CPAMD8: variants seen among roughly 807,000 people sequenced by gnomAD.
The protein encoded by CPAMD8 is C3 and PZP-like alpha-2-macroglobulin domain-containing protein 8.
Under a neutral mutation model 224.7 loss-of-function variants are expected in CPAMD8, and 146 were observed. The ratio of observed to expected loss-of-function variants is 0.65; its 90% CI spans 0.57 to 0.75. The LOEUF is 0.75. Among genes scored for constraint, CPAMD8 ranks in the 30% least tolerant of loss-of-function variants. The pLI is 0.00. For synonymous variants in CPAMD8, 966 were observed against 1,044.6 expected (o/e 0.92, Z 1.45); for missense variants, 2,301 against 2,537.5 (o/e 0.91, Z 2.00).
At position 16,929,172 on chromosome 19, in the gene CPAMD8, G is replaced by A. The variant is rs201681851; in HGVS notation, c.2914C>T (p.Arg972Cys). Residue 972 changes from arginine (R) to cysteine (C), a missense_variant, in exon 24 of 42, where the codon CGC (arginine) becomes TGC (cysteine). Around this residue, in one of 4 missense-constraint regions of CPAMD8, gnomAD observed 1,709 missense variants for 1,753.2 expected, o/e 0.97. Coordinates refer to ENST00000443236, the MANE Select transcript of CPAMD8 (RefSeq NM_015692.5). ...TGAGCTCGCACAGCCACATCAAAGC[G>A]GGTGAGGCGCAGTGGCCGCTGCACA... ...QYVQRPLRLT[R>C]FDVAVRAHND... 148 of 1,614,048 alleles carry A rather than the reference G, an allele frequency of 9.2e-5. No individual in the cohort carries two copies. The highest frequency in any genetic ancestry group is 8.3e-4 in the African/African-American group (62 of 75,052).
At chr19:16,962,460 A>C (rs1351277144) in intron 18 of CPAMD8, among the ~76,000 whole-genome samples, 1 of 152,232 alleles carries the variant, frequency 6.6e-6, no homozygotes, top group African/African-American at 2.4e-5. Context: ...AGATTAAATT[A>C]ATGAAATAAA....
In CPAMD8 at chr19:16,893,220, A is replaced by T; in HGVS notation, c.5546T>A (p.Val1849Glu). The change falls in exon 42 of 42, where the codon GTG (valine) becomes GAG (glutamate). Residue 1849 changes from valine to glutamate, a missense_variant. By Grantham distance (121) the Val-to-Glu change is moderately radical. Transcript: ENST00000443236. ...TPAPQRHSGR[V>E]VGAHRPGLLS... ...AAGCCCTGGCCTGTGGGCCCCCACC[A>T]CCCGGCCACTATGTCTCTGAGGGGC... 1 of 1,588,188 alleles carries T rather than the reference A, an allele frequency of 6.3e-7. No homozygotes were observed. Among genetic ancestry groups the T allele is most frequent in the Non-Finnish European group, 8.6e-7 (1 of 1,165,764 alleles).
At chr19:16,971,650 G>T (rs28567752) in intron 17 of CPAMD8, among the ~76,000 whole-genome samples, 18,666 of 152,044 alleles carry the variant, frequency 0.12, 3,194 homozygotes, top group African/African-American at 0.39. Context: ...GATGAAAATG[G>T]TCTGGAATTA....
intron 27 of CPAMD8, among the ~76,000 whole-genome samples, chr19:16,921,400 A>G (rs2053168153): frequency 6.6e-6 from 1 of 151,978 alleles, no homozygotes; most frequent in Admixed American, 6.5e-5. Flanking sequence ...GCCTGAGGAT[A>G]TCAGGAAAAC....
intron 19 of CPAMD8, among the ~76,000 whole-genome samples, chr19:16,954,925 G>A (rs1464347067): frequency 6.6e-6 from 1 of 152,210 alleles, no homozygotes; most frequent in African/African-American, 2.4e-5. Context: ...TCAGGAGATC[G>A]ATACCATCCT....
rs542478808 is a variant in CPAMD8, at chr19:17,016,646, G to A, written c.267+3685C>T. On this transcript the variant is annotated intron_variant, in intron 3 of 41. Coordinates refer to ENST00000443236, the MANE Select transcript of CPAMD8 (RefSeq NM_015692.5). Reference sequence around the variant, plus strand: ...CATGGTGGGGGCGTCTGCAGTCCCAGCTACTCAGGAGGCTGAGGCAGGAAA... The same window carrying A: ...CATGGTGGGGGCGTCTGCAGTCCCAACTACTCAGGAGGCTGAGGCAGGAAA... Among the ~76,000 whole-genome samples, 5 of 152,276 alleles carry A rather than the reference G, an allele frequency of 3.3e-5. No homozygotes were observed. In the South Asian group the frequency reaches 1.0e-3, roughly 32 times the overall value.
At chr19:17,006,021 G>A (rs899439300) in intron 7 of CPAMD8, among the ~76,000 whole-genome samples, 1 of 151,892 alleles carries the variant, frequency 6.6e-6, no homozygotes, top group African/African-American at 2.4e-5. Context: ...CTGGAGTGCA[G>A]TGGCATGATC....
At chr19:17,010,576 A>G (rs1387447168) in intron 5 of CPAMD8, among the ~76,000 whole-genome samples, 6 of 152,128 alleles carry the variant, frequency 3.9e-5, no homozygotes. Context: ...CTTGAGTTGT[A>G]TAAGAGAACG....
chr19:17,018,504 C>A (rs2056869000), intron 3 of CPAMD8, among the ~76,000 whole-genome samples: 1 of 152,056 alleles, frequency 6.6e-6, no homozygotes, highest in South Asian at 2.1e-4. Context: ...GGCTGTTTAG[C>A]CTAAAGAAGG....
intron 3 of CPAMD8, among the ~76,000 whole-genome samples, chr19:17,016,377 G>C (rs115981041): frequency 0.012 from 1,902 of 152,238 alleles, 36 homozygotes; most frequent in African/African-American, 0.042. Flanking sequence ...CAGCATCTGT[G>C]CTGTGAAGAG....
chr19:16,896,524 C>A lies in CPAMD8; in HGVS notation c.5207G>T (p.Arg1736Leu). ...CTGGCGGCAGGCGGCCTCCCGCAGG[C>A]GGCAGGCGCTGGCGTAGACCACCCC... ...SDGVVYASAC[R>L]LREAACRQAA... The change falls in exon 40 of 42, where the codon CGC becomes CTC. Residue 1736 changes from arginine to leucine, a missense_variant. Around this residue, in one of 4 missense-constraint regions of CPAMD8, gnomAD observed 1,709 missense variants for 1,753.2 expected, o/e 0.97. Transcript: ENST00000443236. The A allele has an allele frequency of 1.4e-6, 2 of 1,441,350 alleles. No individual in the cohort carries two copies. Among genetic ancestry groups the A allele is most frequent in the Non-Finnish European group, 1.8e-6 (2 of 1,108,040 alleles). 89.3% of individuals were successfully genotyped at this position (1,441,350 alleles called of 1,614,324 possible). A position where few individuals can be genotyped will look rare whatever the true frequency, so the allele number is the denominator to read the frequency against.
chr19:16,928,045 T>C lies in CPAMD8; in HGVS notation c.3334A>G (p.Ile1112Val). Reference sequence around the variant, plus strand: ...GCGGTGGCTCGCTCAGACCCAGGGATGGCGCCGTGTGGGACCCCCAGGGTG... The same window carrying C: ...GCGGTGGCTCGCTCAGACCCAGGGACGGCGCCGTGTGGGACCCCCAGGGTG... ...AFTLGVPHGA[I>V]PGSERATASI... Residue 1112 changes from isoleucine to valine, a missense_variant, in exon 25 of 42, where the codon ATC (isoleucine) becomes GTC (valine). Ile to Val is a conservative substitution (Grantham distance 29). Around this residue, in one of 4 missense-constraint regions of CPAMD8, gnomAD observed 1,709 missense variants for 1,753.2 expected, o/e 0.97. Coordinates refer to ENST00000443236, the MANE Select transcript of CPAMD8 (RefSeq NM_015692.5). 6.2e-7 allele frequency: 1 copy of C among 1,613,718 alleles called. No individual in the cohort carries two copies. The highest frequency in any genetic ancestry group is 8.5e-7 in the Non-Finnish European group (1 of 1,179,790).
At chr19:16,966,869 GA>G (rs2054844718) in intron 18 of CPAMD8, among the ~76,000 whole-genome samples, 1 of 152,158 alleles carries the variant, frequency 6.6e-6, no homozygotes, top group Non-Finnish European at 1.5e-5. Flanking sequence ...GGAGAAATAG[GA>G]ATGCTTTTAC....
At chr19:17,021,184 T>C (rs1471789085) in intron 2 of CPAMD8, among the ~76,000 whole-genome samples, 2 of 152,162 alleles carry the variant, frequency 1.3e-5, no homozygotes, top group African/African-American at 4.8e-5. Flanking sequence ...AGGAGAGACC[T>C]GGTTGCATCA....
At chr19:16,927,567 C>T (rs2053408091) in intron 25 of CPAMD8, among the ~76,000 whole-genome samples, 1 of 152,152 alleles carries the variant, frequency 6.6e-6, no homozygotes, top group African/African-American at 2.4e-5. Context: ...TCAGCAACTG[C>T]TCCGGACGCC....
intron 41 of CPAMD8, chr19:16,895,260 A>G (rs111701028): frequency 6.5e-6 from 1 of 152,698 alleles, no homozygotes; most frequent in Admixed American, 6.5e-5. Flanking sequence ...AAATACAAAA[A>G]AAATTAGCCG....
Position 16,896,672 on chromosome 19 carries a change from G to A in CPAMD8, c.5066-7C>T, listed in dbSNP as rs988495104. On this transcript the variant is annotated splice_polypyrimidine_tract_variant and splice_region_variant and intron_variant, in intron 39 of 41. Transcript: ENST00000443236. ...GACTCGCCGGGGAACCAGCCTGGGG[G>A]ACGAGGCAGGCTCGACAGACCCCCC... The A allele has an allele frequency of 2.1e-6, 3 of 1,445,896 alleles. No individual in the cohort carries two copies. Among genetic ancestry groups the A allele is most frequent in the Admixed American group, 5.0e-5 (2 of 40,176 alleles). The allele number at this position is 1,445,896 out of a possible 1,614,324, so 89.6% of individuals were successfully genotyped here. A position where few individuals can be genotyped will look rare whatever the true frequency, so the allele number is the denominator to read the frequency against.
At chr19:16,897,642 G>A (rs1170246951) in intron 39 of CPAMD8, 49 bp downstream of exon 39, 1 of 1,078,740 alleles carries the variant, frequency 9.3e-7, no homozygotes, top group Admixed American at 2.5e-5. Flanking sequence ...GGTGGGAGTC[G>A]GGGTGTGGCA....
At position 16,938,406 on chromosome 19, in the gene CPAMD8, A is replaced by G; in HGVS notation, c.2834T>C (p.Phe945Ser). The change falls in exon 23 of 42, where the codon TTC becomes TCC. Residue 945 changes from phenylalanine to serine, a missense_variant. This residue lies in a region of CPAMD8 where 1,709 missense variants were observed against 1,753.2 expected (regional missense o/e 0.97). Coordinates refer to ENST00000443236, the MANE Select transcript of CPAMD8 (RefSeq NM_015692.5). ...CACGGGGGACTCACCACTGGGACAG[A>G]AGAATGCGCTGTAGGTGTACGCCCG... ...VPRAYTYSAFFCPSERVHIST... is the reference protein window; with the variant it reads ...VPRAYTYSAFSCPSERVHIST... 2 of 1,565,318 alleles carry G rather than the reference A, an allele frequency of 1.3e-6. No homozygotes were observed. Among genetic ancestry groups the G allele is most frequent in the Non-Finnish European group, 1.7e-6 (2 of 1,159,412 alleles).
Sources: gnomAD v4.1 joint callset for allele counts (sites outside exome capture counted in the v4.1 genomes callset) on GRCh38, gnomAD v4.1.1 for gene constraint, gnomAD v4.1.1 regional missense constraint, MANE v1.5 for transcripts, NCBI Gene and HGNC (gene_info 2026-07-23, HGNC 2026-07-21) for gene names.